CTNNA3: variants seen among roughly 807,000 people sequenced by gnomAD.
The protein encoded by CTNNA3 is catenin alpha 3, also known as catenin alpha-3.
Under a neutral mutation model 95.7 loss-of-function variants are expected in CTNNA3, and 76 were observed. The observed-to-expected ratio is 0.79, with a 90% CI of 0.66 to 0.96. CTNNA3 has a LOEUF of 0.96. Ranked by LOEUF, CTNNA3 falls within the 40% of genes least tolerant of loss-of-function variation. CTNNA3 has a pLI of 0.00. For synonymous variants in CTNNA3, 431 were observed against 374.4 expected (o/e 1.15, Z -1.74); for missense variants, 1,191 against 1,089.8 (o/e 1.09, Z -1.31).
At chr10:67,253,106 T>C (rs1175746507) in intron 5 of CTNNA3, among the ~76,000 whole-genome samples, 2 of 152,210 alleles carry the variant, frequency 1.3e-5, no homozygotes, top group African/African-American at 4.8e-5. Context: ...CCAGCATCAC[T>C]ACTCTTGTGC....
chr10:67,613,024 G>C (rs1843515204), intron 2 of CTNNA3, among the ~76,000 whole-genome samples: 2 of 152,188 alleles, frequency 1.3e-5, no homozygotes, highest in Non-Finnish European at 2.9e-5. Flanking sequence ...GCTACCTGCT[G>C]CCTACAAGCA....
intron 7 of CTNNA3, among the ~76,000 whole-genome samples, chr10:66,841,892 G>A (rs1016403657): frequency 1.3e-5 from 2 of 152,048 alleles, no homozygotes; most frequent in Non-Finnish European, 2.9e-5. Context: ...AGGGTCAAAG[G>A]TAGGAAAGAC....
chr10:65,998,682 G>C (rs1312837321), intron 15 of CTNNA3, among the ~76,000 whole-genome samples: 1 of 152,164 alleles, frequency 6.6e-6, no homozygotes, highest in Non-Finnish European at 1.5e-5. Flanking sequence ...CTTAAGAAAA[G>C]ACAGGGAGTG....
At chr10:66,696,083 A>T (rs777751063) in intron 9 of CTNNA3, among the ~76,000 whole-genome samples, 6 of 152,182 alleles carry the variant, frequency 3.9e-5, no homozygotes, top group Non-Finnish European at 7.3e-5. Flanking sequence ...GATTACTAAC[A>T]GGTATGCAAC....
At chr10:66,164,805 T>C (rs2085039536) in intron 13 of CTNNA3, among the ~76,000 whole-genome samples, 1 of 152,168 alleles carries the variant, frequency 6.6e-6, no homozygotes, top group African/African-American at 2.4e-5. Flanking sequence ...TACTAAAACA[T>C]AAATCAGTAT....
chr10:66,555,498 C>T (rs1355411731), intron 10 of CTNNA3, among the ~76,000 whole-genome samples: 1 of 152,096 alleles, frequency 6.6e-6, no homozygotes, highest in Non-Finnish European at 1.5e-5. Flanking sequence ...TCAAGTGTAA[C>T]TGTGCATTCC....
intron 7 of CTNNA3, among the ~76,000 whole-genome samples, chr10:66,805,131 T>A (rs1241622326): frequency 2.0e-5 from 3 of 152,062 alleles, no homozygotes; most frequent in Non-Finnish European, 4.4e-5. Flanking sequence ...GCTGGAGGAA[T>A]TAAACATGTC....
chr10:67,346,851 T>G (rs1157240784), intron 5 of CTNNA3: 2 of 306,962 alleles, frequency 6.5e-6, no homozygotes, highest in East Asian at 1.9e-4. Context: ...CAATGCCACA[T>G]CATTGTCCCT....
intron 3 of CTNNA3, among the ~76,000 whole-genome samples, chr10:67,553,838 C>G (rs1054988070): frequency 6.6e-6 from 1 of 151,706 alleles, no homozygotes; most frequent in Non-Finnish European, 1.5e-5. Flanking sequence ...TATACATGTG[C>G]CATGTTGGTG....
intron 7 of CTNNA3, chr10:67,012,328 A>G (rs1236571776): frequency 1.3e-5 from 2 of 152,214 alleles, no homozygotes; most frequent in Non-Finnish European, 2.9e-5. Flanking sequence ...CCTCGGTGCC[A>G]GATCTCCTAG....
At chr10:66,616,883 C>A (rs1204172964) in intron 10 of CTNNA3, among the ~76,000 whole-genome samples, 2 of 151,778 alleles carry the variant, frequency 1.3e-5, no homozygotes, top group African/African-American at 4.8e-5. Context: ...ATTATACTGT[C>A]TTTTTTTCAT....
intron 3 of CTNNA3, among the ~76,000 whole-genome samples, chr10:67,605,406 A>G (rs1004334889): frequency 6.6e-6 from 1 of 152,204 alleles, no homozygotes; most frequent in Admixed American, 6.5e-5. Context: ...ATCAAAGGAT[A>G]CAAAGTTGCA....
chr10:67,325,148 C>T (rs1477686699), intron 5 of CTNNA3, among the ~76,000 whole-genome samples: 1 of 151,744 alleles, frequency 6.6e-6, no homozygotes, highest in Non-Finnish European at 1.5e-5. Context: ...ATTAGTCTAG[C>T]TAGTGGTCTA....
At chr10:66,587,203 A>G (rs776098706) in intron 10 of CTNNA3, among the ~76,000 whole-genome samples, 6 of 152,164 alleles carry the variant, frequency 3.9e-5, no homozygotes, top group Non-Finnish European at 7.3e-5. Flanking sequence ...AAGACGTCCT[A>G]TTTAGCTAAG....
intron 9 of CTNNA3, among the ~76,000 whole-genome samples, chr10:66,687,022 C>T (rs752569870): frequency 6.6e-6 from 1 of 151,830 alleles, no homozygotes; most frequent in Admixed American, 6.6e-5. Context: ...TTGATGATAT[C>T]TTTGATACAA....
intron 10 of CTNNA3, among the ~76,000 whole-genome samples, chr10:66,617,000 T>C (rs533945002): frequency 4.7e-4 from 71 of 152,114 alleles, no homozygotes; most frequent in Non-Finnish European, 8.7e-4. Context: ...CTAGCAACCT[T>C]CTCACTGATT....
intron 11 of CTNNA3, among the ~76,000 whole-genome samples, chr10:66,474,602 A>T (rs549661415): frequency 6.6e-6 from 1 of 151,998 alleles, no homozygotes; most frequent in Non-Finnish European, 1.5e-5. Context: ...TGTATTTCTA[A>T]TTTTTTGAGA....
intron 16 of CTNNA3, among the ~76,000 whole-genome samples, chr10:65,971,262 A>G (rs1050111767): frequency 6.6e-6 from 1 of 151,848 alleles, no homozygotes; most frequent in African/African-American, 2.4e-5. Context: ...AGCAAGAAAA[A>G]CAAGAATAAA....
Position 66,385,767 on chromosome 10 carries a change from G to A in CTNNA3, c.1532-6415C>T, listed in dbSNP as rs569451159. 2.0e-5 allele frequency among the ~76,000 whole-genome samples: 3 copies of A among 152,164 alleles called. No homozygotes were observed. The East Asian group carries it at 5.8e-4, about 29-fold the overall frequency. On this transcript the variant is annotated intron_variant, in intron 11 of 17. Transcript: ENST00000433211. Reference sequence around the variant, plus strand: ...CATGATCAAGTAGGCTTCATCCCTGGGATGCAAGGCCGGTTCAACATATGC... The same window carrying A: ...CATGATCAAGTAGGCTTCATCCCTGAGATGCAAGGCCGGTTCAACATATGC...
Sources: gnomAD v4.1 joint callset for allele counts (sites outside exome capture counted in the v4.1 genomes callset) on GRCh38, gnomAD v4.1.1 for gene constraint, MANE v1.5 for transcripts, NCBI Gene and HGNC (gene_info 2026-07-23, HGNC 2026-07-21) for gene names.